DOK6: variants seen among roughly 807,000 people sequenced by gnomAD.
DOK6 encodes the protein docking protein 6, also known as downstream of tyrosine kinase 6.
DOK6 carries 22 observed loss-of-function variants against 44.0 expected under a neutral mutation model. The observed-to-expected ratio is 0.50, with a 90% CI of 0.36 to 0.71. The LOEUF (loss-of-function observed/expected upper bound fraction) is 0.71. DOK6 is among the 30% of genes least tolerant of loss of function. The pLI, the probability that DOK6 is intolerant of heterozygous loss-of-function variation, is 0.00. For missense variants in DOK6, 340 were observed against 416.4 expected (o/e 0.82, Z 1.60); for synonymous variants, 166 against 145.5 (o/e 1.14, Z -1.01).
At chr18:69,668,822 A>G (rs1908221115) in intron 3 of DOK6, among the ~76,000 whole-genome samples, 1 of 152,234 alleles carries the variant, frequency 6.6e-6, no homozygotes, top group South Asian at 2.1e-4. Context: ...ACATATTTGA[A>G]CAAAAAAGGT....
chr18:69,422,865 T>C (rs1014046294), intron 1 of DOK6, among the ~76,000 whole-genome samples: 2 of 152,216 alleles, frequency 1.3e-5, no homozygotes, highest in African/African-American at 4.8e-5. Context: ...TTCAGAACTA[T>C]TTGCAACATC....
intron 7 of DOK6, among the ~76,000 whole-genome samples, chr18:69,838,138 TA>T (rs1264340197): frequency 2.0e-5 from 3 of 152,038 alleles, no homozygotes; most frequent in African/African-American, 4.8e-5. Context: ...TCTTTTTTTA[TA>T]TTTTTTTATT....
At chr18:69,733,655 C>A (rs1978494080) in intron 5 of DOK6, among the ~76,000 whole-genome samples, 1 of 152,048 alleles carries the variant, frequency 6.6e-6, no homozygotes, top group Non-Finnish European at 1.5e-5. Flanking sequence ...AAATTTTGTC[C>A]CACACATCTT....
At position 69,710,180 on chromosome 18, in the gene DOK6, G is replaced by A. The variant is rs180754028; in HGVS notation, c.599+11587G>A. ...GTCAACAGAGTGAGACCCTGTCTCA[G>A]AAAAAAGAAAATTATAAACTTACTA... On this transcript the variant is annotated intron_variant, in intron 5 of 7. Transcript: ENST00000382713. Among the ~76,000 whole-genome samples the A allele has an allele frequency of 2.2e-3, 336 of 152,044 alleles. 2 individuals carry two copies. The highest frequency in any genetic ancestry group is 7.7e-3 in the African/African-American group (321 of 41,460).
Position 69,841,318 on chromosome 18 carries a change from G to C in DOK6, c.931G>C (p.Ala311Pro), listed in dbSNP as rs1483737338. 3 of 1,614,170 alleles carry C rather than the reference G, an allele frequency of 1.9e-6. No homozygotes were observed. The highest frequency in any genetic ancestry group is 2.7e-5 in the African/African-American group (2 of 75,028). Residue 311 changes from alanine to proline, a missense_variant, in exon 8 of 8, where the codon GCC becomes CCC. Transcript: ENST00000382713. ...CTACGCCCCAGAACAGAGTGAAGAG[G>C]CCCAGCAGCCGTTGTCGCGGTCCAG... Reference protein sequence around the residue: ...PSYAPEQSEEAQQPLSRSSSY... With the variant: ...PSYAPEQSEEPQQPLSRSSSY...
chr18:69,509,672 T>C (rs1162523347), intron 1 of DOK6, among the ~76,000 whole-genome samples: 1 of 142,656 alleles, frequency 7.0e-6, no homozygotes. Context: ...AACACACAAG[T>C]CAGAATATTT....
chr18:69,748,710 G>A (rs1979069285), intron 6 of DOK6, among the ~76,000 whole-genome samples: 1 of 152,158 alleles, frequency 6.6e-6, no homozygotes, highest in Non-Finnish European at 1.5e-5. Flanking sequence ...CTGTTGGTGG[G>A]ATGTAAATTA....
At chr18:69,628,953 A>G (rs570377015) in intron 3 of DOK6, among the ~76,000 whole-genome samples, 2 of 152,260 alleles carry the variant, frequency 1.3e-5, no homozygotes, top group South Asian at 4.1e-4. Context: ...ATCAAGGCTT[A>G]AGTGCTCAGC....
chr18:69,585,667 G>A (rs180990008), intron 2 of DOK6, among the ~76,000 whole-genome samples: 11 of 152,158 alleles, frequency 7.2e-5, no homozygotes, highest in Non-Finnish European at 1.3e-4. Context: ...AAAGTCATGT[G>A]CTTCCAAAAC....
chr18:69,548,271 A>C (rs1982465183), intron 1 of DOK6, among the ~76,000 whole-genome samples: 1 of 151,358 alleles, frequency 6.6e-6, no homozygotes, highest in South Asian at 2.1e-4. Context: ...ATATTTTTTT[A>C]ATCCAGTTGT....
chr18:69,768,954 C>CGTGCGTGTGTGTGTGTGTGTGT, intron 7 of DOK6, among the ~76,000 whole-genome samples: 1 of 142,590 alleles, frequency 7.0e-6, no homozygotes, highest in Non-Finnish European at 1.5e-5. Flanking sequence ...GAAGGGTGTG[C>CGTGCGTGTGTGTGTGTGTGTGT]GTGTGTGTGT....
intron 4 of DOK6, among the ~76,000 whole-genome samples, chr18:69,684,005 A>G (rs948585673): frequency 2.0e-5 from 3 of 152,214 alleles, no homozygotes; most frequent in Non-Finnish European, 4.4e-5. Flanking sequence ...GTTATTATCT[A>G]CAGGGAAAGC....
chr18:69,519,545 G>T (rs924707090), intron 1 of DOK6, among the ~76,000 whole-genome samples: 1 of 151,946 alleles, frequency 6.6e-6, no homozygotes, highest in Non-Finnish European at 1.5e-5. Context: ...TTAGATGTTG[G>T]CTAAAATGTT....
At chr18:69,795,244 G>A (rs145451861) in intron 7 of DOK6, among the ~76,000 whole-genome samples, 8 of 152,120 alleles carry the variant, frequency 5.3e-5, no homozygotes, top group African/African-American at 1.9e-4. Flanking sequence ...ACCAAGACAA[G>A]CGGATGATCA....
In DOK6 at chr18:69,496,524, T is replaced by A. The variant is rs1275565011; in HGVS notation, c.67-67963T>A. On this transcript the variant is annotated intron_variant, in intron 1 of 7. Coordinates refer to ENST00000382713, the MANE Select transcript of DOK6 (RefSeq NM_152721.6). ...TATTTTCAGTGGACCTATATACACTTAAATTTCACACAGTTCCCCAAATGG... is the reference window on the plus strand; with the variant it reads ...TATTTTCAGTGGACCTATATACACTAAAATTTCACACAGTTCCCCAAATGG... 3.3e-5 allele frequency among the ~76,000 whole-genome samples: 5 copies of A among 152,368 alleles called. No homozygotes were observed. In the Middle Eastern group the frequency reaches 0.01, roughly 311 times the overall value.
chr18:69,609,382 A>G (rs1984080705), intron 3 of DOK6, among the ~76,000 whole-genome samples: 1 of 152,224 alleles, frequency 6.6e-6, no homozygotes, highest in Admixed American at 6.5e-5. Context: ...CAACAGGTGT[A>G]TGAAAGGTGC....
chr18:69,799,466 C>T (rs895733150), intron 7 of DOK6, among the ~76,000 whole-genome samples: 9 of 151,656 alleles, frequency 5.9e-5, no homozygotes, highest in East Asian at 1.9e-4. Context: ...TGTCCATTCT[C>T]GGAAAAAAGT....
chr18:69,432,116 G>C (rs1347717558), intron 1 of DOK6, among the ~76,000 whole-genome samples: 1 of 152,124 alleles, frequency 6.6e-6, no homozygotes, highest in East Asian at 1.9e-4. Context: ...CAATTAGTGA[G>C]TTTTTTCCCC....
At chr18:69,651,645 C>A (rs944278606) in intron 3 of DOK6, among the ~76,000 whole-genome samples, 7 of 151,956 alleles carry the variant, frequency 4.6e-5, no homozygotes, top group Admixed American at 3.3e-4. Flanking sequence ...TGTGCCACCA[C>A]ACCCAGCTAA....
Sources: gnomAD v4.1 joint callset for allele counts (sites outside exome capture counted in the v4.1 genomes callset) on GRCh38, gnomAD v4.1.1 for gene constraint, MANE v1.5 for transcripts, NCBI Gene and HGNC (gene_info 2026-07-23, HGNC 2026-07-21) for gene names.